The following AVPR1B variants were observed in gnomAD, a reference collection of about 807,000 sequenced individuals.
AVPR1B encodes arginine vasopressin receptor 1B, also known as vasopressin V1b receptor.
Under a neutral mutation model 27.5 loss-of-function variants are expected in AVPR1B, and 25 were observed. That is an observed-to-expected ratio of 0.91 (90% confidence interval 0.66 to 1.27). The LOEUF is 1.27. Among genes scored for constraint, AVPR1B ranks in the 50% most tolerant of loss-of-function variants. The pLI is 0.00. For missense variants in AVPR1B, 595 were observed against 556.9 expected (o/e 1.07, Z -0.69); for synonymous variants, 248 against 240.2 (o/e 1.03, Z -0.30).
In AVPR1B at chr1:206,108,137, G is replaced by A. The variant is rs890832869; in HGVS notation, c.*2052C>T. Among the ~76,000 whole-genome samples the A allele has an allele frequency of 7.9e-5, 12 of 152,188 alleles. No homozygotes were observed. The highest frequency in any genetic ancestry group is 4.4e-5 in the Non-Finnish European group (3 of 68,042). ...AAAGATGGGGCAAGGGGGTGGGGAG[G>A]CCGCTTTTGTAAGCAGGGGAAGGAG... On this transcript the variant is annotated 3_prime_UTR_variant, in exon 2 of 2. Coordinates refer to ENST00000367126, the MANE Select transcript of AVPR1B (RefSeq NM_000707.5).
chr1:206,111,138 C>T (rs969658699), intron 1 of AVPR1B, among the ~76,000 whole-genome samples: 6 of 152,182 alleles, frequency 3.9e-5, no homozygotes, highest in African/African-American at 1.4e-4. Flanking sequence ...ACTGCCCTAT[C>T]GACACCTATG....
rs1663329540 is a variant in AVPR1B at position 206,109,272 on chromosome 1, T to A, written c.*917A>T. ...GCCTGGAGGGTGTCCAGAGCCATGA[T>A]GATGTCACCTTTTCTCAAAGGAGGT... On this transcript the variant is annotated 3_prime_UTR_variant, in exon 2 of 2. Transcript: ENST00000367126. 6.6e-6 allele frequency among the ~76,000 whole-genome samples: 1 copy of A among 152,070 alleles called. No homozygotes were observed. Among genetic ancestry groups the A allele is most frequent in the Non-Finnish European group, 1.5e-5 (1 of 67,994 alleles).
intron 1 of AVPR1B, among the ~76,000 whole-genome samples, chr1:206,115,043 A>G (rs1663440654): frequency 6.6e-6 from 1 of 152,210 alleles, no homozygotes; most frequent in Non-Finnish European, 1.5e-5. Context: ...ATTAAAGAGA[A>G]AAAGTATCCC....
chr1:206,112,067 C>T (rs981070042), intron 1 of AVPR1B, among the ~76,000 whole-genome samples: 2 of 152,218 alleles, frequency 1.3e-5, no homozygotes, highest in Admixed American at 6.5e-5. Context: ...TGGTGATGTG[C>T]ACCTGTAGTC....
rs1663328887 is a variant in AVPR1B, at chr1:206,109,224, G to A, written c.*965C>T. On this transcript the variant is annotated 3_prime_UTR_variant, in exon 2 of 2. Transcript: ENST00000367126. Reference sequence around the variant, plus strand: ...CTAACTGGATCACAGCATCCATATGGTTCATGGTGGAAGCTCTGAAGAGCC... The same window carrying A: ...CTAACTGGATCACAGCATCCATATGATTCATGGTGGAAGCTCTGAAGAGCC... Among the ~76,000 whole-genome samples, 1 of 152,142 alleles carries A rather than the reference G, an allele frequency of 6.6e-6. No homozygotes were observed. The highest frequency in any genetic ancestry group is 2.1e-4 in the South Asian group (1 of 4,828).
Position 206,110,328 on chromosome 1 carries a change from A to T in AVPR1B, c.1136T>A (p.Leu379Gln). ...GGCCGGGCAGCTGGAGCGGGTCAGCAGCGTGGTGTGGCGGCTCGAGAGGCT... is the reference window on the plus strand; with the variant it reads ...GGCCGGGCAGCTGGAGCGGGTCAGCTGCGTGGTGTGGCGGCTCGAGAGGCT... The part of the protein sequence containing the change: ...DGSLSSRHTT[L>Q]LTRSSCPATL... Residue 379 changes from leucine to glutamine, a missense_variant, in exon 2 of 2, where the codon CTG (leucine) becomes CAG (glutamine). Transcript: ENST00000367126. The T allele has an allele frequency of 1.2e-6, 2 of 1,613,202 alleles. No homozygotes were observed. The highest frequency in any genetic ancestry group is 1.1e-5 in the South Asian group (1 of 91,018).
intron 1 of AVPR1B, among the ~76,000 whole-genome samples, chr1:206,115,372 G>A (rs1251778794): frequency 1.3e-5 from 2 of 152,188 alleles, no homozygotes; most frequent in African/African-American, 4.8e-5. Context: ...ATTTGTGTGT[G>A]TCACATCCAA....
In AVPR1B at chr1:206,110,152, A is replaced by C. The variant is rs782086226; in HGVS notation, c.*37T>G. 2 of 1,556,710 alleles carry C rather than the reference A, an allele frequency of 1.3e-6. No homozygotes were observed. Among genetic ancestry groups the C allele is most frequent in the Admixed American group, 1.9e-5 (1 of 53,024 alleles). On this transcript the variant is annotated 3_prime_UTR_variant, in exon 2 of 2. Coordinates refer to ENST00000367126, the MANE Select transcript of AVPR1B (RefSeq NM_000707.5). ...CCGAGGTGGGCAGAGAACCTCCACTAGTCCTGGGGGCAGTACCAGACCCCA... is the reference window on the plus strand; with the variant it reads ...CCGAGGTGGGCAGAGAACCTCCACTCGTCCTGGGGGCAGTACCAGACCCCA...
At chr1:206,111,370 C>T (rs1553289828) in intron 1 of AVPR1B, among the ~76,000 whole-genome samples, 1 of 152,190 alleles carries the variant, frequency 6.6e-6, no homozygotes, top group African/African-American at 2.4e-5. Flanking sequence ...TAAATGAAAC[C>T]CTCATGTCAG....
At chr1:206,111,474 A>G (rs1245048970) in intron 1 of AVPR1B, among the ~76,000 whole-genome samples, 1 of 152,214 alleles carries the variant, frequency 6.6e-6, no homozygotes, top group Non-Finnish European at 1.5e-5. Context: ...CTCACTCTTC[A>G]GTGGAGGTTG....
At chr1:206,115,773 G>T (rs540556202) in intron 1 of AVPR1B, among the ~76,000 whole-genome samples, 178 bp downstream of exon 1, 4 of 152,122 alleles carry the variant, frequency 2.6e-5, no homozygotes, top group Admixed American at 6.5e-5. Context: ...ACATGGCATC[G>T]GTAGGCTGAA....
intron 1 of AVPR1B, 67 bp from the exon 2 acceptor site, chr1:206,110,590 C>T: frequency 7.4e-7 from 1 of 1,357,566 alleles, no homozygotes; most frequent in Non-Finnish European, 1.0e-6. Context: ...AGCGTCCAGG[C>T]CCCACAGATG....
Position 206,116,744 on chromosome 1 carries a change from G to C in AVPR1B, c.147C>G (p.Thr49=), listed in dbSNP as rs782697809. The change falls in exon 1 of 2, where the codon ACC becomes ACG. Residue 49 remains threonine (T), a synonymous_variant. Coordinates refer to ENST00000367126, the MANE Select transcript of AVPR1B (RefSeq NM_000707.5). ...GVLATVLVLA[T]GGNLAVLLTL... is the part of the protein sequence containing the mutation. ...TCAGCAGCACAGCCAGGTTGCCCCC[G>C]GTCGCCAGCACCAGGACAGTGGCCA... 1.2e-6 allele frequency: 2 copies of C among 1,611,590 alleles called. No individual in the cohort carries two copies. Among genetic ancestry groups the C allele is most frequent in the Non-Finnish European group, 1.7e-6 (2 of 1,178,840 alleles).
Position 206,107,835 on chromosome 1 carries a change from C to T in AVPR1B, c.*2354G>A, listed in dbSNP as rs191987813. Among the ~76,000 whole-genome samples the T allele has an allele frequency of 1.3e-5, 2 of 152,306 alleles. No individual in the cohort carries two copies. The highest frequency in any genetic ancestry group is 4.8e-5 in the African/African-American group (2 of 41,566). On this transcript the variant is annotated 3_prime_UTR_variant, in exon 2 of 2. Coordinates refer to ENST00000367126, the MANE Select transcript of AVPR1B (RefSeq NM_000707.5). ...TGCAATCTGGAGCCAGGCCATTGTT[C>T]CCCTCTCTAACATCTGTTGAGTGCT...
Position 206,116,849 on chromosome 1 carries a change from C to G in AVPR1B, c.42G>C (p.Arg14=), listed in dbSNP as rs1558186324. The G allele has an allele frequency of 1.2e-6, 2 of 1,613,598 alleles. No individual in the cohort carries two copies. Among genetic ancestry groups the G allele is most frequent in the Non-Finnish European group, 1.7e-6 (2 of 1,179,836 alleles). The change falls in exon 1 of 2, where the codon CGG becomes CGC. Residue 14 remains arginine, a synonymous_variant. Coordinates refer to ENST00000367126, the MANE Select transcript of AVPR1B (RefSeq NM_000707.5). ...GPLWDANPTP[R]GTLSAPNATT... ...TGGCATTGGGGGCAGAGAGGGTGCC[C>G]CGAGGGGTGGGGTTGGCATCCCACA...
At chr1:206,115,868 G>A in intron 1 of AVPR1B, 83 bp downstream of exon 1, 1 of 1,379,572 alleles carries the variant, frequency 7.2e-7, no homozygotes, top group Non-Finnish European at 9.8e-7. Flanking sequence ...CCTGGCCCTG[G>A]GAGGCATTGT....
Position 206,115,838 on chromosome 1 carries a change from C to T in AVPR1B, c.940+113G>A, listed in dbSNP as rs1272251280. On this transcript the variant is annotated intron_variant, in intron 1 of 1. Transcript: ENST00000367126. ...GAGCAGGCACCATCTTCCTTCATTG[C>T]CCCACTAGTTTGTCACCTGCCTGGC... 4 of 1,037,234 alleles carry T rather than the reference C, an allele frequency of 3.9e-6. No homozygotes were observed. The African/African-American group carries it at 4.8e-5, about 12-fold the overall frequency. The allele number at this position is 1,037,234 out of a possible 1,614,324, so 64.3% of individuals were successfully genotyped here.
Position 206,116,826 on chromosome 1 carries a change from G to A in AVPR1B, c.65C>T (p.Ala22Val). 6.2e-7 allele frequency: 1 copy of A among 1,614,032 alleles called. No individual in the cohort carries two copies. The highest frequency in any genetic ancestry group is 8.5e-7 in the Non-Finnish European group (1 of 1,179,964). The change falls in exon 1 of 2, where the codon GCC becomes GTC. Residue 22 changes from alanine to valine, a missense_variant. Physicochemically the swap from Ala to Val is moderately conservative, Grantham distance 64. Transcript: ENST00000367126. ...TPRGTLSAPN[A>V]TTPWLGRDEE... The stretch of plus-strand genomic sequence containing the variant: ...ATCCCGGCCCAGCCAGGGTGTTGTG[G>A]CATTGGGGGCAGAGAGGGTGCCCCG...
At position 206,110,398 on chromosome 1, in the gene AVPR1B, A is replaced by G; in HGVS notation, c.1066T>C (p.Cys356Arg). 4.3e-6 allele frequency: 7 copies of G among 1,612,938 alleles called. No homozygotes were observed. The highest frequency in any genetic ancestry group is 5.9e-6 in the Non-Finnish European group (7 of 1,179,568). Residue 356 changes from cysteine to arginine, a missense_variant, in exon 2 of 2, where the codon TGT becomes CGT. By Grantham distance (180) the Cys-to-Arg change is radical (BLOSUM62 -3). Coordinates refer to ENST00000367126, the MANE Select transcript of AVPR1B (RefSeq NM_000707.5). Reference sequence around the variant, plus strand: ...CGCATCCTGGGCTGGGGACCCCCACAGCAGGCAAGGTGACGCAGGGGCCGC... The same window carrying G: ...CGCATCCTGGGCTGGGGACCCCCACGGCAGGCAAGGTGACGCAGGGGCCGC... Reference protein sequence around the residue: ...LPRPLRHLACCGGPQPRMRRR... With the variant: ...LPRPLRHLACRGGPQPRMRRR...
Sources: gnomAD v4.1 joint callset for allele counts (sites outside exome capture counted in the v4.1 genomes callset) on GRCh38, gnomAD v4.1.1 for gene constraint, MANE v1.5 for transcripts, NCBI Gene and HGNC (gene_info 2026-07-23, HGNC 2026-07-21) for gene names.